Variants in FHIP2B observed in about 807,000 individuals in gnomAD.
The protein encoded by FHIP2B is FHF complex subunit HOOK-interacting protein 2B.
Under a neutral mutation model 84.0 loss-of-function variants are expected in FHIP2B, and 72 were observed. That is an observed-to-expected ratio of 0.86 (90% confidence interval 0.71 to 1.04). FHIP2B has a LOEUF of 1.04. Among genes scored for constraint, FHIP2B ranks in the 50% least tolerant of loss-of-function variants. FHIP2B has a pLI of 0.00. For synonymous variants in FHIP2B, 497 were observed against 418.7 expected, an observed-to-expected ratio of 1.19 and a Z score of -2.28; for missense variants, 972 against 968.9, an observed-to-expected ratio of 1.00 and a Z score of -0.04.
chr8:22,097,154 T>C, intron 3 of FHIP2B: 2 of 315,492 alleles, frequency 6.3e-6, no homozygotes, highest in Admixed American at 4.3e-5. Flanking sequence ...GGAAAAGGGG[T>C]TGTGAGTGCC....
chr8:22,101,110 G>T, intron 12 of FHIP2B, 138 bp downstream of exon 12: 1 of 1,190,902 alleles, frequency 8.4e-7, no homozygotes, highest in South Asian at 1.6e-5. Context: ...CCACCTCCCG[G>T]GTTCCGGATC....
At chr8:22,100,787 G>C (rs757983151) in intron 11 of FHIP2B, 48 bp downstream of exon 11, 52 of 1,611,262 alleles carry the variant, frequency 3.2e-5, no homozygotes, top group Non-Finnish European at 4.3e-5. Flanking sequence ...CTTAGCACTC[G>C]CACGCTCACT....
intron 5 of FHIP2B, 49 bp downstream of exon 5, chr8:22,097,888 G>T (rs1271761959): frequency 6.3e-7 from 1 of 1,597,650 alleles, no homozygotes; most frequent in African/African-American, 1.3e-5. Context: ...GAACCCCAGG[G>T]CAAGCCCCCT....
rs768311326 is a variant in FHIP2B, at chr8:22,091,138, G to A, written c.45+1840G>A. On this transcript the variant is annotated intron_variant, in intron 1 of 16. Coordinates refer to ENST00000289921, the MANE Select transcript of FHIP2B (RefSeq NM_022749.7). The stretch of plus-strand genomic sequence containing the variant: ...CCAGTCTAGGTCTTTCCCAAGCCTT[G>A]GTCACCAAGTGTGATCCTAGTAAGT... Among the ~76,000 whole-genome samples, 18 of 151,708 alleles carry A rather than the reference G, an allele frequency of 1.2e-4. No individual in the cohort carries two copies. In the South Asian group the frequency reaches 2.7e-3, roughly 23 times the overall value.
At chr8:22,093,694 TG>T (rs1359794735) in intron 1 of FHIP2B, among the ~76,000 whole-genome samples, 1 of 136,300 alleles carries the variant, frequency 7.3e-6, no homozygotes, top group African/African-American at 2.7e-5. Context: ...TTGAGAGGAA[TG>T]GAAAAGCTTT....
At position 22,102,599 on chromosome 8, in the gene FHIP2B, G is replaced by A. The variant is rs1161770302; in HGVS notation, c.2064G>A (p.Lys688=). 6.4e-7 allele frequency: 1 copy of A among 1,563,482 alleles called. No individual in the cohort carries two copies. Among genetic ancestry groups the A allele is most frequent in the Non-Finnish European group, 8.7e-7 (1 of 1,154,264 alleles). The stretch of plus-strand genomic sequence containing the variant: ...CAGGCAAGCTGCTCCTGGTGCGCAA[G>A]CAGTTGACGGGCCAGGCTCCTGGGG... ...QFPGKLLLVR[K]QLTGQAPGEQ... is the part of the protein sequence containing the mutation. The change falls in exon 16 of 17, where the codon AAG becomes AAA. Residue 688 remains lysine (K), a synonymous_variant. Transcript: ENST00000289921.
rs1826007564 is a variant in FHIP2B at position 22,099,852 on chromosome 8, T to C, written c.1300T>C (p.Tyr434His). The change falls in exon 10 of 17, where the codon TAT (tyrosine) becomes CAT (histidine). Residue 434 changes from tyrosine (Y) to histidine (H), a missense_variant. Tyr to His is a moderately conservative substitution (Grantham distance 83). Coordinates refer to ENST00000289921, the MANE Select transcript of FHIP2B (RefSeq NM_022749.7). Reference protein sequence around the residue: ...EAPGDNPHTLYAHLIGHCDHL... With the variant: ...EAPGDNPHTLHAHLIGHCDHL... ...CCCCGGGGACAACCCCCACACCCTG[T>C]ATGCTCATCTCATCGGGCATTGTGA... is the stretch of plus-strand genomic sequence containing the variant. The C allele has an allele frequency of 6.2e-7, 1 of 1,612,688 alleles. No individual in the cohort carries two copies. The highest frequency in any genetic ancestry group is 8.5e-7 in the Non-Finnish European group (1 of 1,179,460).
In FHIP2B at chr8:22,094,505, C is replaced by T. The variant is rs373159977; in HGVS notation, c.111C>T (p.Tyr37=). 111 of 1,611,296 alleles carry T rather than the reference C, an allele frequency of 6.9e-5. No individual in the cohort carries two copies. Among genetic ancestry groups the T allele is most frequent in the Middle Eastern group, 1.6e-4 (1 of 6,074 alleles). ...VEHWKGITHY[Y]IESTDESTPA... ...ACTGGAAGGGCATCACGCACTACTA[C>T]ATCGAGAGCACAGGTGCGGCCTGGC... The change falls in exon 2 of 17, where the codon TAC becomes TAT. Residue 37 remains tyrosine, a synonymous_variant. Transcript: ENST00000289921.
intron 2 of FHIP2B, 88 bp downstream of exon 2, chr8:22,094,606 A>C: frequency 6.3e-7 from 1 of 1,584,866 alleles, no homozygotes; most frequent in Non-Finnish European, 8.5e-7. Context: ...GTGTCCTGGG[A>C]AAGGTAACCT....
chr8:22,099,742 C>A lies in FHIP2B; in HGVS notation c.1190C>A (p.Thr397Lys), dbSNP rs755453078. ...ATCTTGACCTCCACCGCCCTCCTCACAGCCATGCTGCGCCAGCTTCGCTCC... is the reference window on the plus strand; with the variant it reads ...ATCTTGACCTCCACCGCCCTCCTCAAAGCCATGCTGCGCCAGCTTCGCTCC... The part of the protein sequence containing the change: ...QSILTSTALL[T>K]AMLRQLRSPA... The change falls in exon 10 of 17, where the codon ACA becomes AAA. Residue 397 changes from threonine (T) to lysine (K), a missense_variant. Thr to Lys is a moderately conservative substitution (Grantham distance 78, BLOSUM62 -1). Transcript: ENST00000289921. 5.8e-5 allele frequency: 93 copies of A among 1,604,624 alleles called. No homozygotes were observed. Among genetic ancestry groups the A allele is most frequent in the Non-Finnish European group, 7.8e-5 (92 of 1,177,850 alleles).
chr8:22,090,386 G>GA (rs1825425109), intron 1 of FHIP2B, among the ~76,000 whole-genome samples: 1 of 152,164 alleles, frequency 6.6e-6, no homozygotes, highest in South Asian at 2.1e-4. Flanking sequence ...AAGAAAGTCA[G>GA]AAACTATGAC....
chr8:22,093,708 C>CTTTTTTTTTTTTTTTTTTTT lies in FHIP2B; in HGVS notation c.46-725_46-706dup, dbSNP rs59841460. Among the ~76,000 whole-genome samples, 3 of 66,456 alleles carry CTTTTTTTTTTTTTTTTTTTT rather than the reference C, an allele frequency of 4.5e-5. 1 individual carries two copies. Among genetic ancestry groups the CTTTTTTTTTTTTTTTTTTTT allele is most frequent in the Admixed American group, 4.9e-4 (2 of 4,090 alleles). 43.6% of individuals were successfully genotyped at this position (66,456 alleles called of 152,430 possible). ...ATTGAGAGGAATGGAAAAGCTTTGT[C>CTTTTTTTTTTTTTTTTTTTT]TTTTTTTTTTTTTTTTTTTTTTTTT... On this transcript the variant is annotated intron_variant, in intron 1 of 16. Coordinates refer to ENST00000289921, the MANE Select transcript of FHIP2B (RefSeq NM_022749.7).
In FHIP2B at chr8:22,098,250, G is replaced by A; in HGVS notation, c.708G>A (p.Leu236=). 3 of 1,593,128 alleles carry A rather than the reference G, an allele frequency of 1.9e-6. No homozygotes were observed. Among genetic ancestry groups the A allele is most frequent in the South Asian group, 1.1e-5 (1 of 87,922 alleles). Residue 236 remains leucine (L), a synonymous_variant, in exon 6 of 17, where the codon CTG becomes CTA. Coordinates refer to ENST00000289921, the MANE Select transcript of FHIP2B (RefSeq NM_022749.7). ...NSHMPAETEE[L]DGGTTESNLI... ...ACATGCCTGCTGAGACCGAGGAGCT[G>A]GACGGTGGGACCACAGAGAGCAACC...
At chr8:22,089,396 G>C in intron 1 of FHIP2B, 98 bp downstream of exon 1, 1 of 715,528 alleles carries the variant, frequency 1.4e-6, no homozygotes, top group Non-Finnish European at 1.7e-6. Context: ...AGGGCGGGCG[G>C]GCGCGGGCCC....
rs139361186 is a variant in FHIP2B at position 22,103,523 on chromosome 8, G to C, written c.*592G>C. 1.3e-5 allele frequency: 2 copies of C among 152,620 alleles called. No individual in the cohort carries two copies. The highest frequency in any genetic ancestry group is 3.9e-4 in the East Asian group (2 of 5,188). 9.5% of individuals were successfully genotyped at this position (152,620 alleles called of 1,614,324 possible). On this transcript the variant is annotated 3_prime_UTR_variant, in exon 17 of 17. Transcript: ENST00000289921. ...GTTGCAAAACTCCCAGCCGCCTCAT[G>C]GCAAATGCCCAAAGCATGTTCCGCA... is the stretch of plus-strand genomic sequence containing the variant.
Position 22,096,357 on chromosome 8 carries a change from A to C in FHIP2B, c.145A>C (p.Lys49Gln). 6.4e-7 allele frequency: 1 copy of C among 1,560,790 alleles called. No individual in the cohort carries two copies. Among genetic ancestry groups the C allele is most frequent in the Non-Finnish European group, 8.7e-7 (1 of 1,152,538 alleles). ...ESTDESTPAK[K>Q]TDIPWRLKQM... ...ATTAGATGAAAGCACCCCCGCCAAG[A>C]AGACAGACATTCCCTGGCGGCTGAA... Residue 49 changes from lysine (K) to glutamine (Q), a missense_variant, in exon 3 of 17, where the codon AAG becomes CAG. By Grantham distance (53) the Lys-to-Gln change is moderately conservative. Coordinates refer to ENST00000289921, the MANE Select transcript of FHIP2B (RefSeq NM_022749.7).
intron 15 of FHIP2B, 61 bp from the exon 16 acceptor site, chr8:22,102,467 G>C: frequency 1.3e-6 from 2 of 1,537,322 alleles, no homozygotes; most frequent in Middle Eastern, 1.8e-4. Flanking sequence ...TGGTGTGGCA[G>C]GGCCAGGGGA....
intron 4 of FHIP2B, 28 bp downstream of exon 4, chr8:22,097,648 C>T (rs1380300596): frequency 1.2e-6 from 2 of 1,604,214 alleles, no homozygotes; most frequent in East Asian, 2.2e-5. Context: ...CAAGGGGTGT[C>T]TGGGTGTGAG....
chr8:22,100,905 G>A lies in FHIP2B; in HGVS notation c.1549G>A (p.Ala517Thr), dbSNP rs368184373. The A allele has an allele frequency of 1.5e-5, 25 of 1,613,728 alleles. No homozygotes were observed. The highest frequency in any genetic ancestry group is 3.3e-5 in the South Asian group (3 of 91,088). The change falls in exon 12 of 17, where the codon GCA becomes ACA. Residue 517 changes from alanine (A) to threonine (T), a missense_variant. Ala to Thr is a moderately conservative substitution (Grantham distance 58). Coordinates refer to ENST00000289921, the MANE Select transcript of FHIP2B (RefSeq NM_022749.7). The part of the protein sequence containing the change: ...SFLDSGFQTP[A>T]KPRLAPATSY... ...CCTGGATTCCGGCTTTCAAACTCCC[G>A]CAAAGCCTCGCCTAGCTCCTGCTAC... is the stretch of plus-strand genomic sequence containing the variant.
Sources: allele counts gnomAD v4.1 joint callset (sites outside exome capture counted in the v4.1 genomes callset), GRCh38; gene constraint gnomAD v4.1.1; transcripts MANE v1.5; gene names NCBI Gene and HGNC (gene_info 2026-07-23, HGNC 2026-07-21).